EXT1: variants seen among roughly 807,000 people sequenced by gnomAD.
EXT1 encodes the protein exostosin glycosyltransferase 1.
A neutral mutation model predicts 82.5 loss-of-function variants in EXT1; 20 were observed. That is an observed-to-expected ratio of 0.24 (90% CI 0.17 to 0.35). The LOEUF (loss-of-function observed/expected upper bound fraction) is 0.35, where lower values mean the gene tolerates loss of function less well. EXT1 is among the 10% of genes least tolerant of loss of function. The pLI, the probability that EXT1 is intolerant of heterozygous loss-of-function variation, is 1.00. For missense variants in EXT1, 757 were observed against 936.5 expected (o/e 0.81, Z 2.50); for synonymous variants, 348 against 350.8 (o/e 0.99, Z 0.09).
intron 1 of EXT1, among the ~76,000 whole-genome samples, chr8:117,992,438 TAAA>T (rs142840509): frequency 3.8e-5 from 2 of 53,094 alleles, no homozygotes; most frequent in Admixed American, 2.2e-4. Context: ...TTCAACTAGC[TAAA>T]AAAAAAAAAA....
At chr8:117,904,533 T>C (rs945108546) in intron 1 of EXT1, among the ~76,000 whole-genome samples, 2 of 152,196 alleles carry the variant, frequency 1.3e-5, no homozygotes, top group African/African-American at 2.4e-5. Context: ...TAAAATATCA[T>C]AGGAGCCGGT....
chr8:117,905,350 G>A (rs1310209731), intron 1 of EXT1, among the ~76,000 whole-genome samples: 1 of 152,168 alleles, frequency 6.6e-6, no homozygotes, highest in Non-Finnish European at 1.5e-5. Context: ...ACTCTGCTCT[G>A]AAAAATCATC....
At chr8:117,989,234 A>T (rs898568243) in intron 1 of EXT1, among the ~76,000 whole-genome samples, 2 of 151,616 alleles carry the variant, frequency 1.3e-5, no homozygotes, top group African/African-American at 4.8e-5. Flanking sequence ...TACAAAAGGA[A>T]TTCCTCCCCC....
intron 1 of EXT1, among the ~76,000 whole-genome samples, chr8:117,906,592 C>T (rs189291185): frequency 6.6e-6 from 1 of 152,310 alleles, no homozygotes; most frequent in African/African-American, 2.4e-5. Context: ...TCTGTCTTAA[C>T]ACATGCAATG....
intron 1 of EXT1, among the ~76,000 whole-genome samples, chr8:117,846,720 C>A (rs192819824): frequency 6.6e-6 from 1 of 152,078 alleles, no homozygotes; most frequent in African/African-American, 2.4e-5. Flanking sequence ...AGGCTCTAAG[C>A]CAATGGGACT....
At chr8:117,905,540 T>C (rs1412643545) in intron 1 of EXT1, among the ~76,000 whole-genome samples, 5 of 151,914 alleles carry the variant, frequency 3.3e-5, no homozygotes, top group Non-Finnish European at 5.9e-5. Flanking sequence ...AGGCCAGGCG[T>C]GGTGGCTCAC....
intron 1 of EXT1, among the ~76,000 whole-genome samples, chr8:117,962,745 T>G (rs1814726048): frequency 6.9e-6 from 1 of 145,278 alleles, no homozygotes; most frequent in African/African-American, 2.7e-5. Flanking sequence ...GGGGAAAGAC[T>G]CCATCCCCCC....
chr8:118,105,767 C>T (rs1202868223), intron 1 of EXT1, among the ~76,000 whole-genome samples: 1 of 152,118 alleles, frequency 6.6e-6, no homozygotes, highest in Admixed American at 6.5e-5. Context: ...CAATTCCCAC[C>T]TTTCATTTTG....
chr8:118,062,509 T>C (rs1431103255), intron 1 of EXT1, among the ~76,000 whole-genome samples: 2 of 152,142 alleles, frequency 1.3e-5, no homozygotes, highest in Non-Finnish European at 2.9e-5. Context: ...TCTAAATACA[T>C]GACTGAAAAG....
chr8:117,821,527 T>C (rs1811924177), intron 5 of EXT1, among the ~76,000 whole-genome samples: 1 of 152,234 alleles, frequency 6.6e-6, no homozygotes, highest in Non-Finnish European at 1.5e-5. Flanking sequence ...AACAATATAC[T>C]GAATTAGAGA....
intron 1 of EXT1, among the ~76,000 whole-genome samples, chr8:117,868,207 T>A (rs1340309574): frequency 6.6e-6 from 1 of 152,208 alleles, no homozygotes; most frequent in Non-Finnish European, 1.5e-5. Flanking sequence ...GTATGTGGCA[T>A]CCCTGTGGCT....
chr8:117,809,672 G>A (rs1823292444), intron 8 of EXT1, among the ~76,000 whole-genome samples: 1 of 151,730 alleles, frequency 6.6e-6, no homozygotes, highest in Non-Finnish European at 1.5e-5. Flanking sequence ...GAAAAAACCC[G>A]GGTGGTGGAA....
chr8:117,983,241 T>C (rs1021615405), intron 1 of EXT1, among the ~76,000 whole-genome samples: 2 of 152,152 alleles, frequency 1.3e-5, no homozygotes, highest in Admixed American at 1.3e-4. Context: ...TCCAACACTT[T>C]AGGAGGCTGA....
rs183771998 is a variant in EXT1 at position 117,844,406 on chromosome 8, G to A, written c.963-7205C>T. Among the ~76,000 whole-genome samples the A allele has an allele frequency of 2.3e-3, 344 of 152,144 alleles. 3 individuals carry two copies. The highest frequency in any genetic ancestry group is 7.2e-3 in the African/African-American group (297 of 41,514). ...GGGCTCAAGTGATCCTCCTACCTCA[G>A]CCTCTCAAAGTGGTGGGATTACAGG... is the stretch of plus-strand genomic sequence containing the variant. On this transcript the variant is annotated intron_variant, in intron 1 of 10. Transcript: ENST00000378204.
chr8:117,887,455 G>A (rs574704782), intron 1 of EXT1, among the ~76,000 whole-genome samples: 13 of 152,230 alleles, frequency 8.5e-5, no homozygotes, highest in East Asian at 1.9e-4. Context: ...AGGTTCAAGC[G>A]ATCCTCCTGC....
At chr8:117,973,786 A>G (rs1814995378) in intron 1 of EXT1, among the ~76,000 whole-genome samples, 1 of 146,688 alleles carries the variant, frequency 6.8e-6, no homozygotes, top group Admixed American at 7.0e-5. Context: ...AGAAGAGATG[A>G]AAGAAAAGAA....
intron 1 of EXT1, among the ~76,000 whole-genome samples, chr8:118,106,855 T>C (rs1414434500): frequency 1.3e-5 from 2 of 152,184 alleles, no homozygotes; most frequent in Admixed American, 6.5e-5. Context: ...ATTATCCACA[T>C]GTGTTAAAAT....
chr8:117,922,780 G>A (rs1335624131), intron 1 of EXT1, among the ~76,000 whole-genome samples: 3 of 152,160 alleles, frequency 2.0e-5, no homozygotes, highest in Non-Finnish European at 4.4e-5. Context: ...CTCCAGCCCA[G>A]TCCTAACCAT....
chr8:118,107,798 T>C (rs1817826304), intron 1 of EXT1, among the ~76,000 whole-genome samples: 1 of 152,106 alleles, frequency 6.6e-6, no homozygotes, highest in South Asian at 2.1e-4. Flanking sequence ...GAGTCAAAAC[T>C]CCAGGTGTAC....
Sources: gnomAD v4.1 joint callset for allele counts (sites outside exome capture counted in the v4.1 genomes callset) on GRCh38, gnomAD v4.1.1 for gene constraint, MANE v1.5 for transcripts, NCBI Gene and HGNC (gene_info 2026-07-23, HGNC 2026-07-21) for gene names.